Variants in MCC observed in about 807,000 individuals in gnomAD.
The protein encoded by MCC is MCC regulator of Wnt signaling pathway.
Under a neutral mutation model 116.2 loss-of-function variants are expected in MCC, and 90 were observed. The observed-to-expected ratio is 0.77, with a 90% CI of 0.65 to 0.92. MCC has a LOEUF of 0.92. MCC is among the 40% of genes least tolerant of loss of function. MCC has a pLI of 0.00. For synonymous variants in MCC, 578 were observed against 510.5 expected, an observed-to-expected ratio of 1.13 and a Z score of -1.78; for missense variants, 1,516 against 1,312.2, an observed-to-expected ratio of 1.16 and a Z score of -2.40.
chr5:113,282,299 C>T (rs890167976), intron 3 of MCC, among the ~76,000 whole-genome samples: 2 of 152,074 alleles, frequency 1.3e-5, no homozygotes, highest in African/African-American at 4.8e-5. Context: ...GTTTTAATGC[C>T]AAATAAAGAA....
At chr5:113,387,255 C>A (rs1769283154) in intron 1 of MCC, among the ~76,000 whole-genome samples, 1 of 152,156 alleles carries the variant, frequency 6.6e-6, no homozygotes, top group African/African-American at 2.4e-5. Flanking sequence ...ATTGTTCATG[C>A]AAATTAAAGT....
At chr5:113,034,585 G>C (rs935243284) in intron 17 of MCC, among the ~76,000 whole-genome samples, 1 of 152,182 alleles carries the variant, frequency 6.6e-6, no homozygotes, top group Non-Finnish European at 1.5e-5. Context: ...CAAACCACAG[G>C]GAGTCACAGC....
rs544797723 is a variant in MCC, at chr5:113,139,153, C to G, written c.884+4065G>C. On this transcript the variant is annotated intron_variant, in intron 5 of 18. Coordinates refer to ENST00000408903, the MANE Select transcript of MCC (RefSeq NM_001085377.2). The stretch of plus-strand genomic sequence containing the variant: ...TTGACCAATATAGTAACCAAGCCCA[C>G]TTCGACTCTGTTTGTTCAGTGGTAC... 6.6e-5 allele frequency among the ~76,000 whole-genome samples: 10 copies of G among 152,244 alleles called. No homozygotes were observed. In the South Asian group the frequency reaches 2.1e-3, roughly 32 times the overall value.
intron 3 of MCC, among the ~76,000 whole-genome samples, chr5:113,185,228 G>A (rs142445713): frequency 7.8e-4 from 119 of 152,274 alleles, no homozygotes; most frequent in African/African-American, 2.7e-3. Context: ...AGTAATCAGA[G>A]GGGTTGAGAG....
At chr5:113,463,654 T>G (rs1771814036) in intron 1 of MCC, among the ~76,000 whole-genome samples, 1 of 152,144 alleles carries the variant, frequency 6.6e-6, no homozygotes, top group Non-Finnish European at 1.5e-5. Flanking sequence ...GAGTTTAAAA[T>G]GCCTTACAAA....
intron 16 of MCC, chr5:113,048,704 A>T (rs1267373396): frequency 2.9e-6 from 1 of 346,312 alleles, no homozygotes; most frequent in African/African-American, 2.1e-5. Context: ...TCAGGCATCT[A>T]TGGGGGATTT....
At chr5:113,121,016 G>A (rs1271046083) in intron 6 of MCC, among the ~76,000 whole-genome samples, 3 of 152,178 alleles carry the variant, frequency 2.0e-5, no homozygotes, top group African/African-American at 4.8e-5. Flanking sequence ...CCCTATTGGC[G>A]AATGGCCCTG....
chr5:113,241,737 G>A (rs1358770028), intron 3 of MCC, among the ~76,000 whole-genome samples: 2 of 152,172 alleles, frequency 1.3e-5, no homozygotes, highest in Admixed American at 1.3e-4. Flanking sequence ...ATCTGAGCCA[G>A]GGGTCTCCAC....
At chr5:113,290,413 G>C (rs1279079066) in intron 3 of MCC, among the ~76,000 whole-genome samples, 1 of 152,138 alleles carries the variant, frequency 6.6e-6, no homozygotes, top group Non-Finnish European at 1.5e-5. Context: ...CTTTGAGTAA[G>C]AATATTTTTT....
At chr5:113,038,894 C>T (rs532509801) in intron 17 of MCC, among the ~76,000 whole-genome samples, 2 of 152,316 alleles carry the variant, frequency 1.3e-5, no homozygotes, top group Admixed American at 1.3e-4. Flanking sequence ...ATTGCCTTAA[C>T]GTGGCATTTT....
chr5:113,429,729 G>A (rs548971700), intron 1 of MCC, among the ~76,000 whole-genome samples: 58 of 152,264 alleles, frequency 3.8e-4, no homozygotes, highest in African/African-American at 1.4e-3. Flanking sequence ...CTGGGTCATG[G>A]CCTAAAGTCT....
chr5:113,317,682 T>C (rs1767319173), intron 3 of MCC, among the ~76,000 whole-genome samples: 4 of 152,240 alleles, frequency 2.6e-5, no homozygotes, highest in Admixed American at 2.6e-4. Flanking sequence ...AAAACCTTCG[T>C]TCCACAAATA....
intron 3 of MCC, among the ~76,000 whole-genome samples, chr5:113,214,221 T>C (rs60185446): frequency 0.06 from 9,130 of 152,192 alleles, 843 homozygotes; most frequent in African/African-American, 0.19. Context: ...ATTCCCCTGG[T>C]GCTGCTTTCA....
chr5:113,484,480 T>G (rs912347192), intron 1 of MCC, among the ~76,000 whole-genome samples: 1 of 152,186 alleles, frequency 6.6e-6, no homozygotes, highest in African/African-American at 2.4e-5. Context: ...AAAACAGATA[T>G]GATTTCTGCC....
At chr5:113,462,858 G>A (rs1422269100) in intron 1 of MCC, among the ~76,000 whole-genome samples, 1 of 152,088 alleles carries the variant, frequency 6.6e-6, no homozygotes, top group Admixed American at 6.6e-5. Context: ...GAATAAAGAG[G>A]GACACAGTCT....
intron 3 of MCC, among the ~76,000 whole-genome samples, chr5:113,211,356 A>T (rs1763128851): frequency 6.6e-6 from 1 of 152,170 alleles, no homozygotes; most frequent in Non-Finnish European, 1.5e-5. Context: ...TTTATAAGCC[A>T]CCCAGCTTAT....
chr5:113,363,141 G>C (rs1768588761), intron 2 of MCC, among the ~76,000 whole-genome samples: 1 of 152,162 alleles, frequency 6.6e-6, no homozygotes, highest in African/African-American at 2.4e-5. Flanking sequence ...AGCTGGTGTG[G>C]TGGCACGTGC....
intron 1 of MCC, among the ~76,000 whole-genome samples, chr5:113,439,141 G>C (rs183200118): frequency 3.3e-5 from 5 of 152,196 alleles, no homozygotes; most frequent in Non-Finnish European, 7.3e-5. Flanking sequence ...AGACAGAAAT[G>C]TTTCCATGGT....
intron 5 of MCC, among the ~76,000 whole-genome samples, chr5:113,135,946 G>A (rs1758792897): frequency 6.6e-6 from 1 of 152,144 alleles, no homozygotes; most frequent in Non-Finnish European, 1.5e-5. Flanking sequence ...TCAGGAGGGG[G>A]AGGCACGAGA....
Sources: gnomAD v4.1 joint callset for allele counts (sites outside exome capture counted in the v4.1 genomes callset) on GRCh38, gnomAD v4.1.1 for gene constraint, MANE v1.5 for transcripts, NCBI Gene and HGNC (gene_info 2026-07-23, HGNC 2026-07-21) for gene names.